The following ADAM18 variants were observed in gnomAD, a reference collection of about 807,000 sequenced individuals.
The protein encoded by ADAM18 is disintegrin and metalloproteinase domain-containing protein 18.
ADAM18 carries 117 observed loss-of-function variants against 94.4 expected under a neutral mutation model. The observed-to-expected ratio is 1.24, with a 90% CI of 1.07 to 1.45. The LOEUF is 1.45. ADAM18 is among the 40% of genes most tolerant of loss of function. The probability of loss-of-function intolerance (pLI) is 0.00; values close to 1 mark genes in which losing one functional copy is unlikely to be tolerated. For missense variants in ADAM18, 936 were observed against 880.0 expected, an observed-to-expected ratio of 1.06 and a Z score of -0.81; for synonymous variants, 327 against 291.6, an observed-to-expected ratio of 1.12 and a Z score of -1.24.
At chr8:39,619,229 A>T (rs1177658143) in intron 6 of ADAM18, among the ~76,000 whole-genome samples, 3 of 152,222 alleles carry the variant, frequency 2.0e-5, no homozygotes, top group African/African-American at 7.2e-5. Flanking sequence ...AGGGGATTTC[A>T]ACACCTCACT....
At chr8:39,678,859 C>G (rs547775066) in intron 15 of ADAM18, among the ~76,000 whole-genome samples, 2 of 152,096 alleles carry the variant, frequency 1.3e-5, no homozygotes, top group South Asian at 4.1e-4. Context: ...CTGATCTAAA[C>G]AGACTGTGAT....
At chr8:39,630,510 T>C (rs899449565) in intron 7 of ADAM18, among the ~76,000 whole-genome samples, 4 of 151,866 alleles carry the variant, frequency 2.6e-5, no homozygotes, top group Non-Finnish European at 4.4e-5. Flanking sequence ...AGCAGATAAA[T>C]ATAATACAAT....
chr8:39,672,710 G>A (rs552853406), intron 14 of ADAM18, among the ~76,000 whole-genome samples: 3 of 152,182 alleles, frequency 2.0e-5, no homozygotes, highest in Non-Finnish European at 4.4e-5. Context: ...CTTGTTAACT[G>A]TTCCTCTCAT....
intron 18 of ADAM18, among the ~76,000 whole-genome samples, chr8:39,714,851 T>C (rs1237496960): frequency 6.6e-6 from 1 of 152,090 alleles, no homozygotes; most frequent in African/African-American, 2.4e-5. Context: ...GAAAAAACAA[T>C]TTTTTCTTTG....
At chr8:39,654,153 CCTTTT>C (rs1820620230) in intron 12 of ADAM18, among the ~76,000 whole-genome samples, 1 of 118,768 alleles carries the variant, frequency 8.4e-6, no homozygotes. Context: ...GGATTTCATT[CCTTTT>C]TTTTTTTTTT....
At chr8:39,592,066 A>G (rs1196745687) in intron 2 of ADAM18, among the ~76,000 whole-genome samples, 1 of 152,192 alleles carries the variant, frequency 6.6e-6, no homozygotes, top group Non-Finnish European at 1.5e-5. Flanking sequence ...TTAGTAAACC[A>G]TATTATAGTT....
chr8:39,721,460 A>T (rs999982639), intron 18 of ADAM18, among the ~76,000 whole-genome samples: 16 of 151,726 alleles, frequency 1.1e-4, no homozygotes, highest in African/African-American at 3.9e-4. Context: ...ACTAATAATC[A>T]ACAAAGTAAG....
chr8:39,644,469 G>A (rs1820321493), intron 10 of ADAM18, among the ~76,000 whole-genome samples: 1 of 151,556 alleles, frequency 6.6e-6, no homozygotes, highest in African/African-American at 2.4e-5. Context: ...ATTTTTTTTT[G>A]TAGAGACGGA....
chr8:39,697,569 T>A (rs1197828780), intron 17 of ADAM18, among the ~76,000 whole-genome samples: 2 of 151,808 alleles, frequency 1.3e-5, no homozygotes, highest in East Asian at 3.8e-4. Flanking sequence ...ATAATTATTG[T>A]TTTCTACAGT....
At chr8:39,672,526 C>G (rs772821164) in intron 14 of ADAM18, among the ~76,000 whole-genome samples, 1 of 152,132 alleles carries the variant, frequency 6.6e-6, no homozygotes, top group Non-Finnish European at 1.5e-5. Context: ...GGGTACTACT[C>G]AATTTGTTTC....
chr8:39,669,939 A>G (rs1186180981), intron 14 of ADAM18, among the ~76,000 whole-genome samples: 4 of 152,170 alleles, frequency 2.6e-5, no homozygotes, highest in Non-Finnish European at 4.4e-5. Context: ...CAACAGTGTA[A>G]AAGTGTTCCT....
In ADAM18 at chr8:39,585,966, A is replaced by T. The variant is rs536283158; in HGVS notation, c.132+614A>T. Among the ~76,000 whole-genome samples, 17 of 152,316 alleles carry T rather than the reference A, an allele frequency of 1.1e-4. 1 individual carries two copies. Among genetic ancestry groups the T allele is most frequent in the African/African-American group, 4.1e-4 (17 of 41,574 alleles). On this transcript the variant is annotated intron_variant, in intron 2 of 19. Coordinates refer to ENST00000265707, the MANE Select transcript of ADAM18 (RefSeq NM_014237.3). ...TGATTGAAACACCTGAAATTGACAG[A>T]TTTAAAATGTTTTATTTTACAAACT...
In ADAM18 at chr8:39,680,285, T is replaced by G. The variant is rs2305394; in HGVS notation, c.1821+59T>G. ...TTAAATTATGTGAATTATCAGATAC[T>G]GCATTCCATGATGACTATCACAATT... On this transcript the variant is annotated intron_variant, in intron 16 of 19. Coordinates refer to ENST00000265707, the MANE Select transcript of ADAM18 (RefSeq NM_014237.3). 4.9e-6 allele frequency: 7 copies of G among 1,435,056 alleles called. No individual in the cohort carries two copies. The East Asian group carries it at 1.4e-4, about 29-fold the overall frequency. 88.9% of individuals were successfully genotyped at this position (1,435,056 alleles called of 1,614,324 possible).
chr8:39,709,162 G>A (rs1822324460), intron 18 of ADAM18, among the ~76,000 whole-genome samples: 1 of 152,190 alleles, frequency 6.6e-6, no homozygotes. Flanking sequence ...AAATGCAGGG[G>A]ATTTTATTGC....
chr8:39,713,961 A>C (rs986926694), intron 18 of ADAM18, among the ~76,000 whole-genome samples: 1 of 152,208 alleles, frequency 6.6e-6, no homozygotes, highest in Non-Finnish European at 1.5e-5. Context: ...AAGGATTATA[A>C]ATCATGCTAC....
At chr8:39,660,366 C>A (rs1379926276) in intron 12 of ADAM18, among the ~76,000 whole-genome samples, 1 of 152,088 alleles carries the variant, frequency 6.6e-6, no homozygotes, top group African/African-American at 2.4e-5. Context: ...CTAGCTTTAG[C>A]TTTAAGGACC....
intron 18 of ADAM18, among the ~76,000 whole-genome samples, chr8:39,709,364 G>C (rs904404294): frequency 6.6e-6 from 1 of 152,162 alleles, no homozygotes; most frequent in East Asian, 1.9e-4. Flanking sequence ...CTTCTCCTCT[G>C]TGCCAGCTGA....
At chr8:39,697,578 G>A (rs1408759053) in intron 17 of ADAM18, among the ~76,000 whole-genome samples, 1 of 151,606 alleles carries the variant, frequency 6.6e-6, no homozygotes, top group Non-Finnish European at 1.5e-5. Context: ...GTTTTCTACA[G>A]TCAACATTTA....
At chr8:39,720,010 CTATA>C (rs1002259811) in intron 18 of ADAM18, among the ~76,000 whole-genome samples, 13 of 151,112 alleles carry the variant, frequency 8.6e-5, no homozygotes, top group African/African-American at 3.2e-4. Flanking sequence ...AAGTCAAAAT[CTATA>C]TAGTAACAAT....
Sources: gnomAD v4.1 joint callset for allele counts (sites outside exome capture counted in the v4.1 genomes callset) on GRCh38, gnomAD v4.1.1 for gene constraint, MANE v1.5 for transcripts, NCBI Gene and HGNC (gene_info 2026-07-23, HGNC 2026-07-21) for gene names.